The following NLGN1 variants were observed in gnomAD, a reference collection of about 807,000 sequenced individuals.
NLGN1 encodes neuroligin-1.
In NLGN1, 12 loss-of-function variants were observed where a neutral mutation model predicts 65.5. That is an observed-to-expected ratio of 0.18 (90% CI 0.12 to 0.30). The LOEUF (loss-of-function observed/expected upper bound fraction) is 0.30. NLGN1 is among the 10% of genes least tolerant of loss of function. The pLI, the probability that NLGN1 is intolerant of heterozygous loss-of-function variation, is 1.00. For missense variants in NLGN1, 750 were observed against 1,007.1 expected (o/e 0.74, Z 3.46); for synonymous variants, 350 against 359.5 (o/e 0.97, Z 0.30).
At chr3:173,925,353 G>T (rs971828357) in intron 4 of NLGN1, among the ~76,000 whole-genome samples, 3 of 152,114 alleles carry the variant, frequency 2.0e-5, no homozygotes, top group African/African-American at 7.2e-5. Context: ...TTCATTTAAA[G>T]AATTCAGAGA....
chr3:174,047,121 A>G (rs528294991), intron 4 of NLGN1, among the ~76,000 whole-genome samples: 8 of 152,140 alleles, frequency 5.3e-5, no homozygotes, highest in Non-Finnish European at 8.8e-5. Context: ...ACAAAACAAT[A>G]TTGCTGATAT....
chr3:173,665,323 A>G (rs1171254662), intron 3 of NLGN1, among the ~76,000 whole-genome samples: 2 of 152,092 alleles, frequency 1.3e-5, no homozygotes, highest in African/African-American at 4.8e-5. Flanking sequence ...CATGTGAAGA[A>G]GGACGTAGTT....
chr3:173,412,831 G>A (rs1259483026), intron 1 of NLGN1, among the ~76,000 whole-genome samples: 1 of 152,164 alleles, frequency 6.6e-6, no homozygotes, highest in Admixed American at 6.6e-5. Flanking sequence ...TATGAAATTA[G>A]ATGATCTCCT....
chr3:174,211,436 A>G (rs1409330683), intron 4 of NLGN1, among the ~76,000 whole-genome samples: 1 of 152,122 alleles, frequency 6.6e-6, no homozygotes. Flanking sequence ...AGGCCCCACC[A>G]GAGCAGCTAG....
At chr3:173,975,352 G>T (rs1007813495) in intron 4 of NLGN1, among the ~76,000 whole-genome samples, 1 of 151,896 alleles carries the variant, frequency 6.6e-6, no homozygotes, top group Non-Finnish European at 1.5e-5. Context: ...TCTAATCAAT[G>T]AAGAGTGGTT....
chr3:173,843,045 T>C (rs1028112844), intron 4 of NLGN1, among the ~76,000 whole-genome samples: 1 of 152,218 alleles, frequency 6.6e-6, no homozygotes, highest in African/African-American at 2.4e-5. Flanking sequence ...CCCCAAATCT[T>C]GACTTCTGTG....
intron 4 of NLGN1, among the ~76,000 whole-genome samples, chr3:174,113,932 T>C (rs1466668130): frequency 6.6e-6 from 1 of 152,128 alleles, no homozygotes; most frequent in African/African-American, 2.4e-5. Flanking sequence ...GAAATCAGGA[T>C]TGATAACAGT....
In NLGN1 at chr3:174,250,830, C is replaced by G. The variant is rs541518153; in HGVS notation, c.647-24485C>G. Among the ~76,000 whole-genome samples the G allele has an allele frequency of 1.3e-4, 20 of 152,130 alleles. No individual in the cohort carries two copies. In the South Asian group the frequency reaches 4.2e-3, roughly 32 times the overall value. On this transcript the variant is annotated intron_variant, in intron 4 of 6. Transcript: ENST00000457714. ...TTGATCACCCTTTCTACCCTTAGAG[C>G]CTTGCTTGTTCCTTTGAGTGAGGTT...
At chr3:173,718,892 G>A (rs1357126357) in intron 3 of NLGN1, among the ~76,000 whole-genome samples, 1 of 152,178 alleles carries the variant, frequency 6.6e-6, no homozygotes, top group East Asian at 1.9e-4. Flanking sequence ...TTGGTGAACT[G>A]AATGTGAAAA....
intron 4 of NLGN1, among the ~76,000 whole-genome samples, chr3:174,225,418 A>G (rs1739439596): frequency 6.6e-6 from 1 of 152,106 alleles, no homozygotes; most frequent in South Asian, 2.1e-4. Context: ...GTCTTATACT[A>G]TGGCTTTATT....
intron 4 of NLGN1, among the ~76,000 whole-genome samples, chr3:174,026,163 G>C (rs936504130): frequency 2.0e-5 from 3 of 152,040 alleles, no homozygotes; most frequent in Non-Finnish European, 4.4e-5. Flanking sequence ...AGGTCTCTCT[G>C]TCATCCAGGC....
At chr3:173,703,743 G>C (rs369688571) in intron 3 of NLGN1, among the ~76,000 whole-genome samples, 24 of 152,188 alleles carry the variant, frequency 1.6e-4, no homozygotes, top group Admixed American at 6.5e-5. Context: ...AGTAGCACAA[G>C]GTCTTTCAAC....
intron 4 of NLGN1, among the ~76,000 whole-genome samples, chr3:173,812,771 A>ATG (rs1254426830): frequency 7.8e-4 from 113 of 144,406 alleles, no homozygotes; most frequent in African/African-American, 2.8e-3. Context: ...ATATATATAT[A>ATG]TGTGTGTGTA....
chr3:173,910,286 T>C (rs532465544), intron 4 of NLGN1, among the ~76,000 whole-genome samples: 1 of 152,204 alleles, frequency 6.6e-6, no homozygotes, highest in Non-Finnish European at 1.5e-5. Context: ...CTTTTGATGC[T>C]GCTGCTTGTG....
chr3:174,256,878 A>G (rs1745870355), intron 4 of NLGN1, among the ~76,000 whole-genome samples: 1 of 152,214 alleles, frequency 6.6e-6, no homozygotes, highest in Non-Finnish European at 1.5e-5. Context: ...AAGACACCAA[A>G]AGCAATTACT....
intron 4 of NLGN1, among the ~76,000 whole-genome samples, chr3:174,174,216 A>G (rs190852963): frequency 1.1e-4 from 16 of 152,212 alleles, no homozygotes; most frequent in Non-Finnish European, 1.5e-5. Flanking sequence ...TTCTTTATAC[A>G]TTCATTCATT....
intron 3 of NLGN1, among the ~76,000 whole-genome samples, chr3:173,709,102 A>G (rs952740858): frequency 1.3e-5 from 2 of 152,202 alleles, no homozygotes; most frequent in African/African-American, 4.8e-5. Context: ...TGTCTGTGTT[A>G]GTCAGGAAAG....
chr3:174,175,782 C>T (rs755142696), intron 4 of NLGN1, among the ~76,000 whole-genome samples: 22 of 151,842 alleles, frequency 1.4e-4, no homozygotes, highest in Admixed American at 6.6e-4. Context: ...GATTTCCCCA[C>T]GGTAACATGA....
intron 4 of NLGN1, among the ~76,000 whole-genome samples, chr3:173,820,476 C>T (rs1211462959): frequency 6.6e-6 from 1 of 152,106 alleles, no homozygotes; most frequent in Non-Finnish European, 1.5e-5. Flanking sequence ...CAGTAATCCC[C>T]CCTTATCCAC....
Sources: allele counts gnomAD v4.1 joint callset (sites outside exome capture counted in the v4.1 genomes callset), GRCh38; gene constraint gnomAD v4.1.1; transcripts MANE v1.5; gene names NCBI Gene and HGNC (gene_info 2026-07-23, HGNC 2026-07-21).